The following SH3TC1 variants were observed in gnomAD, a reference collection of about 807,000 sequenced individuals.
SH3TC1 encodes the protein SH3 domain and tetratricopeptide repeats 1.
In SH3TC1, 135 loss-of-function variants were observed where a neutral mutation model predicts 117.3. The observed-to-expected ratio is 1.15, with a 90% CI of 1.00 to 1.33. The LOEUF (loss-of-function observed/expected upper bound fraction) is 1.33. Among genes scored for constraint, SH3TC1 ranks in the 40% most tolerant of loss-of-function variants. SH3TC1 has a pLI of 0.00. For missense variants in SH3TC1, 2,092 were observed against 1,794.3 expected (o/e 1.17, Z -3.00); for synonymous variants, 898 against 816.9 (o/e 1.10, Z -1.69).
At position 8,237,846 on chromosome 4, in the gene SH3TC1, G is replaced by T. The variant is rs531966818; in HGVS notation, c.3753+176G>T. Among the ~76,000 whole-genome samples the T allele has an allele frequency of 5.9e-5, 9 of 152,274 alleles. No individual in the cohort carries two copies. The East Asian group carries it at 1.7e-3, about 30-fold the overall frequency. ...TTAGCAGACACAACCCAGCTCCCGA[G>T]CGGCCAGGCCTCACCCTCAAGAACT... On this transcript the variant is annotated intron_variant, in intron 17 of 17. Transcript: ENST00000245105.
rs1291479020 is a variant in SH3TC1, at chr4:8,206,404, C to T, written c.172+1038C>T. On this transcript the variant is annotated intron_variant, in intron 2 of 17. Transcript: ENST00000245105. This position sits in a 1 kb window ranked among gnomAD's most constrained non-coding sequence, Gnocchi z 5.5. ...ATGAAAGGAAGGGGCTGCGCTGTGCCCAGGGCCACGAGTGCACAAGGAGAC... is the reference window on the plus strand; with the variant it reads ...ATGAAAGGAAGGGGCTGCGCTGTGCTCAGGGCCACGAGTGCACAAGGAGAC... Among the ~76,000 whole-genome samples, 1 of 151,950 alleles carries T rather than the reference C, an allele frequency of 6.6e-6. No individual in the cohort carries two copies. The highest frequency in any genetic ancestry group is 1.5e-5 in the Non-Finnish European group (1 of 67,972).
rs760177080 is a variant in SH3TC1 at position 8,240,916 on chromosome 4, C to T, written c.3972C>T (p.Cys1324=). 2.3e-5 allele frequency: 37 copies of T among 1,612,326 alleles called. No homozygotes were observed. The highest frequency in any genetic ancestry group is 1.8e-4 in the South Asian group (16 of 91,086). ...TCAACCTGCCTCCTCTGCCACTCTG[C>T]GGGTGGGCCCCCTGGTTGGCCCCCA... is the stretch of plus-strand genomic sequence containing the variant. The part of the protein sequence containing the change: ...RRVNLPPLPL[C]GWAPWLAPSH... Residue 1324 remains cysteine (C), a synonymous_variant, in exon 18 of 18, where the codon TGC becomes TGT. Coordinates refer to ENST00000245105, the MANE Select transcript of SH3TC1 (RefSeq NM_018986.5).
intron 13 of SH3TC1, chr4:8,233,101 G>A (rs750665117): frequency 1.3e-4 from 169 of 1,312,080 alleles, no homozygotes; most frequent in Middle Eastern, 5.9e-4. Flanking sequence ...TGTCTGGGAC[G>A]CGGGGGAGAT....
intron 12 of SH3TC1, 140 bp downstream of exon 12, chr4:8,228,784 C>G (rs1051717312): frequency 3.9e-5 from 29 of 735,888 alleles, no homozygotes; most frequent in Non-Finnish European, 2.9e-5. Context: ...TGTTGGCAAG[C>G]GCCCTGGAGA....
chr4:8,239,290 T>C (rs1211053585), intron 17 of SH3TC1, among the ~76,000 whole-genome samples: 2 of 142,630 alleles, frequency 1.4e-5, no homozygotes, highest in East Asian at 4.3e-4. Context: ...CACATGGACA[T>C]GCACACATGA....
intron 1 of SH3TC1, among the ~76,000 whole-genome samples, chr4:8,193,056 T>C (rs1281115): frequency 0.99 from 150,425 of 152,370 alleles, 74,275 homozygotes; most frequent in East Asian, 1. Context: ...TGGCCACACC[T>C]GTTCACTTAC....
Position 8,228,621 on chromosome 4 carries a change from C to G in SH3TC1, c.2927C>G (p.Ala976Gly), listed in dbSNP as rs1455621599. 2 of 1,520,160 alleles carry G rather than the reference C, an allele frequency of 1.3e-6. No homozygotes were observed. Among genetic ancestry groups the G allele is most frequent in the Middle Eastern group, 2.1e-4 (1 of 4,774 alleles). The allele number at this position is 1,520,160 out of a possible 1,614,324, so 94.2% of individuals were successfully genotyped here. A position where few individuals can be genotyped will look rare whatever the true frequency, so the allele number is the denominator to read the frequency against. Residue 976 changes from alanine to glycine, a missense_variant, in exon 12 of 18, where the codon GCC becomes GGC. Physicochemically the swap from Ala to Gly is moderately conservative, Grantham distance 60. Transcript: ENST00000245105. ...KGYYEWALLV[A>G]VEMGHVESQL... is the part of the protein sequence containing the mutation. ...TACTACGAGTGGGCCCTTCTGGTCG[C>G]CGTGGAGATGGGCCACGTGGAGAGT...
rs376420488 is a variant in SH3TC1, at chr4:8,183,908, T to C, written c.-57+1698T>C. Among the ~76,000 whole-genome samples the C allele has an allele frequency of 6.6e-6, 1 of 152,176 alleles. No homozygotes were observed. The highest frequency in any genetic ancestry group is 1.5e-5 in the Non-Finnish European group (1 of 68,036). On this transcript the variant is annotated intron_variant, in intron 1 of 16. Coordinates refer to the SH3TC1 transcript ENST00000508641. This position sits in a 1 kb window ranked among gnomAD's most constrained non-coding sequence, Gnocchi z 5.4. The stretch of plus-strand genomic sequence containing the variant: ...CCATGGTGGTGGGCATTCACCACCA[T>C]GCCCAACTAATTTTTGTATTTTTAG...
chr4:8,198,672 G>A (rs1717643219), upstream of SH3TC1, among the ~76,000 whole-genome samples: 1 of 152,254 alleles, frequency 6.6e-6, no homozygotes, highest in Non-Finnish European at 1.5e-5. Context: ...AGGTAGACCC[G>A]TTGGGACAGG....
At position 8,216,940 on chromosome 4, in the gene SH3TC1, C is replaced by T. The variant is rs750716121; in HGVS notation, c.629-17C>T. 1 of 1,613,766 alleles carries T rather than the reference C, an allele frequency of 6.2e-7. No individual in the cohort carries two copies. On this transcript the variant is annotated splice_polypyrimidine_tract_variant and intron_variant, in intron 6 of 17. Coordinates refer to ENST00000245105, the MANE Select transcript of SH3TC1 (RefSeq NM_018986.5). ...CCAGTCCGGCCACCCTCAGTGACCA[C>T]CTCCATCCTTTTGAAGGGCCCTTCT...
rs530676145 is a variant in SH3TC1, at chr4:8,237,467, AC to A, written c.3557-3del. 1 of 1,539,988 alleles carries A rather than the reference AC, an allele frequency of 6.5e-7. No homozygotes were observed. On this transcript the variant is annotated splice_region_variant and splice_polypyrimidine_tract_variant and intron_variant, in intron 16 of 17. Transcript: ENST00000245105. ...CCTCACACCTGCCCCCTTGGCCTGC[AC>A]CCCAGGGGACCGGCTGAACGAGCGC...
chr4:8,212,563 C>A, intron 3 of SH3TC1, 138 bp from the exon 4 acceptor site: 1 of 1,199,004 alleles, frequency 8.3e-7, no homozygotes, highest in Non-Finnish European at 1.2e-6. Flanking sequence ...AAACCCGGGG[C>A]TTGGGCTCCC....
chr4:8,211,870 G>A (rs1718766033), intron 3 of SH3TC1, among the ~76,000 whole-genome samples: 1 of 152,118 alleles, frequency 6.6e-6, no homozygotes, highest in African/African-American at 2.4e-5. Flanking sequence ...GATTCCGCTG[G>A]ATGGTGCCAC....
chr4:8,204,950 G>A (rs1168635791), intron 1 of SH3TC1: 2 of 379,104 alleles, frequency 5.3e-6, no homozygotes, highest in Non-Finnish European at 9.3e-6. Context: ...GAGGAAGGGA[G>A]CACAGCAAAC....
At chr4:8,229,613 A>C (rs898859057) in intron 12 of SH3TC1, among the ~76,000 whole-genome samples, 6 of 151,406 alleles carry the variant, frequency 4.0e-5, no homozygotes, top group African/African-American at 1.5e-4. Flanking sequence ...GGATGGTGAG[A>C]AGCTCTGCTG....
intron 1 of SH3TC1, among the ~76,000 whole-genome samples, chr4:8,184,755 A>G (rs1377769712): frequency 2.0e-5 from 3 of 152,070 alleles, no homozygotes; most frequent in Admixed American, 6.5e-5. Flanking sequence ...ACTTAGTGGA[A>G]CTTTCTTCCT....
chr4:8,224,289 T>A (rs1191264926), intron 10 of SH3TC1, among the ~76,000 whole-genome samples: 1 of 152,188 alleles, frequency 6.6e-6, no homozygotes, highest in Non-Finnish European at 1.5e-5. Context: ...AGTATTAGAG[T>A]TAACATTTGT....
intron 5 of SH3TC1, among the ~76,000 whole-genome samples, chr4:8,215,615 G>T (rs1578683823): frequency 6.6e-6 from 1 of 152,204 alleles, no homozygotes; most frequent in East Asian, 1.9e-4. Context: ...CGTGCACCGA[G>T]CCTCCTAGTT....
chr4:8,209,669 A>T lies in SH3TC1; in HGVS notation c.173-79A>T, dbSNP rs1226387486. The T allele has an allele frequency of 6.3e-7, 1 of 1,590,038 alleles. No homozygotes were observed. The highest frequency in any genetic ancestry group is 8.6e-7 in the Non-Finnish European group (1 of 1,168,670). Reference sequence around the variant, plus strand: ...AACTCACCTCTTTTCTTGCAGAGAGACCTGGAGCGTTTGGCGCCTTCAGAG... The same window carrying T: ...AACTCACCTCTTTTCTTGCAGAGAGTCCTGGAGCGTTTGGCGCCTTCAGAG... On this transcript the variant is annotated intron_variant, in intron 2 of 17. Coordinates refer to ENST00000245105, the MANE Select transcript of SH3TC1 (RefSeq NM_018986.5). The surrounding 1 kb of genome is among the most constrained non-coding windows in gnomAD (Gnocchi z 5.9).
Sources: gnomAD v4.1 joint callset for allele counts (sites outside exome capture counted in the v4.1 genomes callset) on GRCh38, gnomAD v4.1.1 for gene constraint, Gnocchi (gnomAD v3.1) non-coding constraint, MANE v1.5 for transcripts, NCBI Gene and HGNC (gene_info 2026-07-23, HGNC 2026-07-21) for gene names.